Variants in MINDY3 observed in about 807,000 individuals in gnomAD.
MINDY3 encodes the protein MINDY lysine 48 deubiquitinase 3.
Under a neutral mutation model 69.2 loss-of-function variants are expected in MINDY3, and 38 were observed. The ratio of observed to expected loss-of-function variants is 0.55; its 90% CI spans 0.42 to 0.72. The LOEUF (loss-of-function observed/expected upper bound fraction) is 0.72, where lower values mean the gene tolerates loss of function less well. MINDY3 is among the 30% of genes least tolerant of loss of function. The pLI is 0.00. For missense variants in MINDY3, 522 were observed against 519.0 expected (o/e 1.01, Z -0.06); for synonymous variants, 192 against 180.1 (o/e 1.07, Z -0.53).
chr10:15,837,714 A>G, intron 5 of MINDY3: 2 of 1,070,100 alleles, frequency 1.9e-6, no homozygotes, highest in South Asian at 3.0e-5. Flanking sequence ...AATGCCAAAG[A>G]TAACTTACAC....
chr10:15,824,611 T>C (rs1839972232), intron 8 of MINDY3, among the ~76,000 whole-genome samples: 1 of 152,160 alleles, frequency 6.6e-6, no homozygotes, highest in Non-Finnish European at 1.5e-5. Flanking sequence ...TTCTCTCCCT[T>C]TCCTTCTTAA....
At chr10:15,821,781 G>A (rs950539304) in intron 8 of MINDY3, 55 bp from the exon 9 acceptor site, 194 of 1,430,714 alleles carry the variant, frequency 1.4e-4, no homozygotes, top group Non-Finnish European at 1.8e-4. Context: ...GTAGTAGTGT[G>A]TATAAATTTG....
At chr10:15,810,529 C>T (rs1838925405) in intron 10 of MINDY3, among the ~76,000 whole-genome samples, 1 of 152,132 alleles carries the variant, frequency 6.6e-6, no homozygotes, top group South Asian at 2.1e-4. Flanking sequence ...CTATTGAATT[C>T]TGATGATCCA....
intron 1 of MINDY3, among the ~76,000 whole-genome samples, chr10:15,858,423 CA>C: frequency 6.6e-6 from 1 of 152,190 alleles, no homozygotes; most frequent in South Asian, 2.1e-4. Context: ...AGGAAAAAGC[CA>C]AAGAGTGAAT....
chr10:15,854,169 T>G (rs1834522644), intron 1 of MINDY3, among the ~76,000 whole-genome samples: 2 of 152,104 alleles, frequency 1.3e-5, no homozygotes, highest in African/African-American at 4.8e-5. Flanking sequence ...AGTTACATGA[T>G]TTGGTTTTAG....
intron 10 of MINDY3, among the ~76,000 whole-genome samples, chr10:15,797,186 C>G (rs1297548771): frequency 6.6e-6 from 1 of 152,052 alleles, no homozygotes. Context: ...GGAGTTCTAA[C>G]TGAGCCATGA....
chr10:15,850,649 T>C (rs1396300893), intron 1 of MINDY3, among the ~76,000 whole-genome samples: 1 of 152,192 alleles, frequency 6.6e-6, no homozygotes, highest in East Asian at 1.9e-4. Flanking sequence ...TCTCAAACCC[T>C]GTCTCCTGAT....
At chr10:15,790,556 G>A (rs1837329558) in intron 11 of MINDY3, among the ~76,000 whole-genome samples, 1 of 152,078 alleles carries the variant, frequency 6.6e-6, no homozygotes, top group Admixed American at 6.6e-5. Flanking sequence ...CATAGCTAAA[G>A]GCTCAGCGTC....
intron 8 of MINDY3, among the ~76,000 whole-genome samples, chr10:15,823,660 G>A (rs1839913222): frequency 6.6e-6 from 1 of 151,980 alleles, no homozygotes; most frequent in Non-Finnish European, 1.5e-5. Flanking sequence ...TCAAGCCAGG[G>A]TATGAAGAGT....
chr10:15,857,344 C>A (rs1234672798), intron 1 of MINDY3, among the ~76,000 whole-genome samples: 2 of 152,100 alleles, frequency 1.3e-5, no homozygotes, highest in African/African-American at 2.4e-5. Context: ...CAGGACACCC[C>A]ACCCAGAACT....
chr10:15,796,395 A>G (rs1330338146), intron 10 of MINDY3, among the ~76,000 whole-genome samples: 2 of 151,946 alleles, frequency 1.3e-5, no homozygotes, highest in African/African-American at 4.8e-5. Context: ...GTTGTGAATA[A>G]TACATGTGGA....
Position 15,786,580 on chromosome 10 carries a change from T to C in MINDY3, c.1097A>G (p.Gln366Arg), listed in dbSNP as rs565795738. The change falls in exon 13 of 15, where the codon CAA becomes CGA. Residue 366 changes from glutamine (Q) to arginine (R), a missense_variant. Coordinates refer to ENST00000277632, the MANE Select transcript of MINDY3 (RefSeq NM_024948.4). The part of the protein sequence containing the change: ...LGIILLGPFL[Q>R]EFFPDQGSSG... ...TGTTACCTGATCAGGAAAAAATTCTTGAAGAAATGGGCCCAATAATATGAT... is the reference window on the plus strand; with the variant it reads ...TGTTACCTGATCAGGAAAAAATTCTCGAAGAAATGGGCCCAATAATATGAT... 3.2e-6 allele frequency: 5 copies of C among 1,582,842 alleles called. No individual in the cohort carries two copies. The East Asian group carries it at 1.1e-4, about 35-fold the overall frequency.
chr10:15,812,443 A>G (rs1839069918), intron 10 of MINDY3, among the ~76,000 whole-genome samples: 1 of 152,120 alleles, frequency 6.6e-6, no homozygotes, highest in Non-Finnish European at 1.5e-5. Flanking sequence ...TAGCTATCAC[A>G]TTTCTGCCTT....
Position 15,836,636 on chromosome 10 carries a change from T to C in MINDY3, c.576+568A>G, listed in dbSNP as rs137930085. ...AAGAGTAGGACTAGAAGGGGACATA[T>C]TGGAACTATTAAATAGCTATATAAA... is the stretch of plus-strand genomic sequence containing the variant. On this transcript the variant is annotated intron_variant, in intron 6 of 14. Coordinates refer to ENST00000277632, the MANE Select transcript of MINDY3 (RefSeq NM_024948.4). Among the ~76,000 whole-genome samples the C allele has an allele frequency of 2.9e-3, 444 of 151,716 alleles. 3 individuals are homozygous for C. The highest frequency in any genetic ancestry group is 0.01 in the African/African-American group (420 of 41,396).
intron 9 of MINDY3, among the ~76,000 whole-genome samples, chr10:15,821,314 G>A (rs917644386): frequency 1.3e-5 from 2 of 151,924 alleles, no homozygotes; most frequent in African/African-American, 4.8e-5. Flanking sequence ...CATATTCTTC[G>A]TTAGGTAATA....
At chr10:15,826,263 G>C (rs1010588309) in intron 8 of MINDY3, among the ~76,000 whole-genome samples, 3 of 152,138 alleles carry the variant, frequency 2.0e-5, no homozygotes, top group African/African-American at 7.2e-5. Flanking sequence ...ATCTCACTGA[G>C]TTTGAAAAAT....
chr10:15,785,308 C>T lies in MINDY3; in HGVS notation c.1116+1253G>A, dbSNP rs537822834. ...ACCAAATGGAAATGTCTGTTACAGG[C>T]GAAAGAGAAGGGACTAGAACCCTCT... On this transcript the variant is annotated intron_variant, in intron 13 of 14. Transcript: ENST00000277632. 1.4e-4 allele frequency among the ~76,000 whole-genome samples: 22 copies of T among 152,040 alleles called. No individual in the cohort carries two copies. The South Asian group carries it at 3.5e-3, about 24-fold the overall frequency.
chr10:15,847,161 CTG>C (rs1833908612), intron 2 of MINDY3, among the ~76,000 whole-genome samples: 2 of 152,176 alleles, frequency 1.3e-5, no homozygotes. Flanking sequence ...CAAAGTAACA[CTG>C]TCATTCACAG....
At chr10:15,837,736 C>A in intron 5 of MINDY3, 1 of 1,047,746 alleles carries the variant, frequency 9.5e-7, no homozygotes, top group Non-Finnish European at 1.2e-6. Flanking sequence ...TTTGCGGCTT[C>A]TTTTAAAAGA....
Sources: allele counts gnomAD v4.1 joint callset (sites outside exome capture counted in the v4.1 genomes callset), GRCh38; gene constraint gnomAD v4.1.1; transcripts MANE v1.5; gene names NCBI Gene and HGNC (gene_info 2026-07-23, HGNC 2026-07-21).